Variants in CASZ1 observed in about 807,000 individuals in gnomAD.
The protein encoded by CASZ1 is zinc finger protein castor homolog 1.
In CASZ1, 28 loss-of-function variants were observed where a neutral mutation model predicts 135.2. The observed-to-expected ratio is 0.21, with a 90% confidence interval of 0.15 to 0.28. The LOEUF is 0.28. CASZ1 is among the 10% of genes least tolerant of loss of function. The pLI, the probability that CASZ1 is intolerant of heterozygous loss-of-function variation, is 1.00. For synonymous variants in CASZ1, 1,068 were observed against 1,073.4 expected (o/e 0.99, Z 0.10); for missense variants, 2,161 against 2,453.3 (o/e 0.88, Z 2.52).
Position 10,709,958 on chromosome 1 carries a change from C to G in CASZ1, c.-76-4414G>C, listed in dbSNP as rs1411692415. ...GCGGTGGGGGTGGCTGTCCAGACCC[C>G]GGAGTCGGAGCAGGCCTCCGGATTG... On this transcript the variant is annotated intron_variant, in intron 2 of 20. Transcript: ENST00000377022. This position sits in a 1 kb window ranked among gnomAD's most constrained non-coding sequence, Gnocchi z 5.1. Among the ~76,000 whole-genome samples, 2 of 152,134 alleles carry G rather than the reference C, an allele frequency of 1.3e-5. No homozygotes were observed. Among genetic ancestry groups the G allele is most frequent in the Non-Finnish European group, 1.5e-5 (1 of 68,030 alleles).
intron 17 of CASZ1, among the ~76,000 whole-genome samples, chr1:10,645,463 G>C (rs1462218818): frequency 6.6e-6 from 1 of 152,206 alleles, no homozygotes; most frequent in African/African-American, 2.4e-5. Flanking sequence ...CCGGGAGGCA[G>C]AGCTTGCAGT....
chr1:10,771,657 TTCCTCCTCC>T (rs34581008), intron 1 of CASZ1, among the ~76,000 whole-genome samples: 6 of 150,676 alleles, frequency 4.0e-5, no homozygotes, highest in Admixed American at 6.6e-5. Context: ...TTTCACCTCT[TTCCTCCTCC>T]TCCTCCTCCT....
In CASZ1 at chr1:10,711,023, C is replaced by T. The variant is rs927540284; in HGVS notation, c.-76-5479G>A. 2.6e-5 allele frequency among the ~76,000 whole-genome samples: 4 copies of T among 152,242 alleles called. No individual in the cohort carries two copies. The highest frequency in any genetic ancestry group is 2.1e-4 in the South Asian group (1 of 4,818). Reference sequence around the variant, plus strand: ...GTGCACGCCTGTAATCCCAGCTACTCGGGAGGCTGAGGCGTGAGAATCATT... The same window carrying T: ...GTGCACGCCTGTAATCCCAGCTACTTGGGAGGCTGAGGCGTGAGAATCATT... On this transcript the variant is annotated intron_variant, in intron 2 of 20. Transcript: ENST00000377022. This position sits in a 1 kb window ranked among gnomAD's most constrained non-coding sequence, Gnocchi z 4.4.
intron 2 of CASZ1, among the ~76,000 whole-genome samples, chr1:10,753,564 G>A (rs1640188216): frequency 6.6e-6 from 1 of 152,226 alleles, no homozygotes; most frequent in Admixed American, 6.5e-5. Context: ...GATCGGTCCT[G>A]GAACAACATG....
chr1:10,753,300 C>T (rs1007038652), intron 2 of CASZ1, among the ~76,000 whole-genome samples: 6 of 152,110 alleles, frequency 3.9e-5, no homozygotes, highest in Admixed American at 2.6e-4. Context: ...GGTCCCTGTC[C>T]GTCTCAGGAC....
At position 10,709,917 on chromosome 1, in the gene CASZ1, C is replaced by G. The variant is rs992606809; in HGVS notation, c.-76-4373G>C. Among the ~76,000 whole-genome samples the G allele has an allele frequency of 1.3e-5, 2 of 152,168 alleles. No individual in the cohort carries two copies. Among genetic ancestry groups the G allele is most frequent in the African/African-American group, 4.8e-5 (2 of 41,448 alleles). On this transcript the variant is annotated intron_variant, in intron 2 of 20. Transcript: ENST00000377022. The surrounding 1 kb of genome is among the most constrained non-coding windows in gnomAD (Gnocchi z 5.1). ...GAGGCCTCGGGAAAGGAGCCTGGGC[C>G]CCGGACCAGGGAGGGGCGGTGGGGG...
At chr1:10,692,905 G>A (rs1404877831) in intron 4 of CASZ1, among the ~76,000 whole-genome samples, 2 of 152,188 alleles carry the variant, frequency 1.3e-5, no homozygotes, top group Admixed American at 6.5e-5. Flanking sequence ...GAATGATCGG[G>A]CTGCTTGTTT....
intron 2 of CASZ1, among the ~76,000 whole-genome samples, chr1:10,715,705 CCAG>C (rs1639370722): frequency 7.1e-6 from 1 of 141,448 alleles, no homozygotes; most frequent in East Asian, 2.2e-4. Flanking sequence ...AATCCACACC[CCAG>C]AGCACCCAAT....
At chr1:10,704,405 G>A (rs1428822966) in intron 3 of CASZ1, 1 of 152,350 alleles carries the variant, frequency 6.6e-6, no homozygotes, top group African/African-American at 2.4e-5. Context: ...GCCCCAGCGA[G>A]AGTGCAGGGC....
rs1570528229 is a variant in CASZ1 at position 10,725,717 on chromosome 1, C to T, written c.-76-20173G>A. The stretch of plus-strand genomic sequence containing the variant: ...GGTGGAAGCCAGGTTCTGGAAAGCC[C>T]TTTTTTTTTTTTTACTAGGAGACCC... On this transcript the variant is annotated intron_variant, in intron 2 of 20. Transcript: ENST00000377022. The surrounding 1 kb of genome is among the most constrained non-coding windows in gnomAD (Gnocchi z 4.4). Among the ~76,000 whole-genome samples the T allele has an allele frequency of 1.4e-5, 2 of 144,068 alleles. No individual in the cohort carries two copies. The highest frequency in any genetic ancestry group is 1.5e-5 in the Non-Finnish European group (1 of 65,502). 94.5% of individuals were successfully genotyped at this position (144,068 alleles called of 152,430 possible). A position where few individuals can be genotyped will look rare whatever the true frequency, so the allele number is the denominator to read the frequency against.
chr1:10,694,680 TCGCGCCCC>T lies in CASZ1; in HGVS notation c.-23-776_-23-769del, dbSNP rs544450836. On this transcript the variant is annotated intron_variant, in intron 3 of 20. Transcript: ENST00000377022. The surrounding 1 kb of genome is among the most constrained non-coding windows in gnomAD (Gnocchi z 6.6). ...CCGGAGTGAATGGGCTCGCGCTCGC[TCGCGCCCC>T]CGCCGCGCGCCCCCGCCGCGCGCGC... is the stretch of plus-strand genomic sequence containing the variant. Among the ~76,000 whole-genome samples the T allele has an allele frequency of 0.047, 6,505 of 138,374 alleles. 478 individuals carry two copies. The highest frequency in any genetic ancestry group is 0.16 in the African/African-American group (6,095 of 38,574). The allele number at this position is 138,374 out of a possible 152,430, so 90.8% of individuals were successfully genotyped here. A position where few individuals can be genotyped will look rare whatever the true frequency, so the allele number is the denominator to read the frequency against.
At chr1:10,710,554 C>A (rs1639265987) in intron 2 of CASZ1, among the ~76,000 whole-genome samples, 1 of 152,210 alleles carries the variant, frequency 6.6e-6, no homozygotes, top group East Asian at 1.9e-4. Flanking sequence ...GCAAAGGAGT[C>A]AGCAAGAAGA....
At chr1:10,758,726 G>A (rs1640306877) in intron 2 of CASZ1, among the ~76,000 whole-genome samples, 1 of 152,200 alleles carries the variant, frequency 6.6e-6, no homozygotes, top group South Asian at 2.1e-4. Flanking sequence ...CAGGCCTGCA[G>A]ACCAGACCTA....
intron 2 of CASZ1, among the ~76,000 whole-genome samples, chr1:10,716,311 C>T (rs1415008685): frequency 6.6e-6 from 1 of 152,248 alleles, no homozygotes; most frequent in Non-Finnish European, 1.5e-5. Flanking sequence ...ATCCGCTCCC[C>T]ATCCACATGG....
At chr1:10,640,825 G>C (rs1642181173) in intron 20 of CASZ1, among the ~76,000 whole-genome samples, 1 of 152,198 alleles carries the variant, frequency 6.6e-6, no homozygotes. Flanking sequence ...AGCTGGCCCA[G>C]ACTGCTTCCT....
rs554714271 is a variant in CASZ1, at chr1:10,698,175, A to C, written c.-23-4263T>G. Among the ~76,000 whole-genome samples the C allele has an allele frequency of 2.6e-5, 4 of 152,396 alleles. No homozygotes were observed. The South Asian group carries it at 6.2e-4, about 24-fold the overall frequency. Reference sequence around the variant, plus strand: ...GCATTATGGCAGGAGAGGGGCTGGCACAGCCGCACGCTCGGCCCCGTAATC... The same window carrying C: ...GCATTATGGCAGGAGAGGGGCTGGCCCAGCCGCACGCTCGGCCCCGTAATC... On this transcript the variant is annotated intron_variant, in intron 3 of 20. Transcript: ENST00000377022.
rs1640668620 is a variant in CASZ1 at position 10,776,800 on chromosome 1, T to A, written c.-233-15943A>T. ...CTATGGGGGCCAACCCTCTTGCTCA[T>A]CTTGGGAGGTGGCTGCTTGCCAGCG... On this transcript the variant is annotated intron_variant, in intron 1 of 20. Transcript: ENST00000377022. The surrounding 1 kb of genome is among the most constrained non-coding windows in gnomAD (Gnocchi z 4.1). Among the ~76,000 whole-genome samples the A allele has an allele frequency of 6.6e-6, 1 of 152,138 alleles. No homozygotes were observed. Among genetic ancestry groups the A allele is most frequent in the Non-Finnish European group, 1.5e-5 (1 of 68,008 alleles).
intron 2 of CASZ1, among the ~76,000 whole-genome samples, chr1:10,728,850 TG>T (rs1053244103): frequency 6.6e-6 from 1 of 152,072 alleles, no homozygotes; most frequent in African/African-American, 2.4e-5. Context: ...AAAGAGTTGC[TG>T]GTGAGTCCCC....
intron 2 of CASZ1, among the ~76,000 whole-genome samples, chr1:10,744,234 T>A (rs1193124130): frequency 6.6e-6 from 1 of 150,862 alleles, no homozygotes; most frequent in African/African-American, 2.4e-5. Flanking sequence ...ATTCAGTTTC[T>A]AGGAAGCAGG....
Sources: gnomAD v4.1 joint callset for allele counts (sites outside exome capture counted in the v4.1 genomes callset) on GRCh38, gnomAD v4.1.1 for gene constraint, Gnocchi (gnomAD v3.1) non-coding constraint, MANE v1.5 for transcripts, NCBI Gene and HGNC (gene_info 2026-07-23, HGNC 2026-07-21) for gene names.